CPOX: variants seen among roughly 807,000 people sequenced by gnomAD.
CPOX encodes oxygen-dependent coproporphyrinogen-III oxidase, mitochondrial.
A neutral mutation model predicts 48.9 loss-of-function variants in CPOX; 24 were observed. The observed-to-expected ratio is 0.49, with a 90% CI of 0.36 to 0.69. The LOEUF (loss-of-function observed/expected upper bound fraction) is 0.69. Among genes scored for constraint, CPOX ranks in the 30% least tolerant of loss-of-function variants. CPOX has a pLI of 0.00. For missense variants in CPOX, 549 were observed against 597.3 expected (o/e 0.92, Z 0.84); for synonymous variants, 249 against 234.6 (o/e 1.06, Z -0.56).
At chr3:98,592,430 A>T (rs1197270210) in intron 1 of CPOX, among the ~76,000 whole-genome samples, 3 of 152,192 alleles carry the variant, frequency 2.0e-5, no homozygotes, top group Non-Finnish European at 4.4e-5. Flanking sequence ...AGTGCTACTG[A>T]GAAACGAATC....
the CPOX span, among the ~76,000 whole-genome samples, chr3:98,573,424 A>G: frequency 6.6e-6 from 1 of 152,114 alleles, no homozygotes; most frequent in Non-Finnish European, 1.5e-5. Context: ...CAGATTTCAA[A>G]TAATTTTCTC....
intron 5 of CPOX, among the ~76,000 whole-genome samples, chr3:98,584,988 G>T (rs1707334634): frequency 6.6e-6 from 1 of 152,156 alleles, no homozygotes; most frequent in Non-Finnish European, 1.5e-5. Context: ...TTACAGGTTT[G>T]TTGAAAAACA....
chr3:98,582,162 T>C (rs543796665), intron 5 of CPOX, among the ~76,000 whole-genome samples: 271 of 152,238 alleles, frequency 1.8e-3, no homozygotes, highest in African/African-American at 6.3e-3. Context: ...ACCCTTAGCA[T>C]CAACTAAAAC....
rs1707223845 is a variant in CPOX, at chr3:98,580,051, C to A, written c.*632G>T. Reference sequence around the variant, plus strand: ...GACATCTCTAAAATAATAGTAATGTCACTTTAGAGTTTACAAACTACAGAA... The same window carrying A: ...GACATCTCTAAAATAATAGTAATGTAACTTTAGAGTTTACAAACTACAGAA... On this transcript the variant is annotated 3_prime_UTR_variant, in exon 7 of 7. Coordinates refer to ENST00000647941, the MANE Select transcript of CPOX (RefSeq NM_000097.7). 1 of 982,372 alleles carries A rather than the reference C, an allele frequency of 1.0e-6. No individual in the cohort carries two copies. Among genetic ancestry groups the A allele is most frequent in the African/African-American group, 1.8e-5 (1 of 57,132 alleles). 60.9% of individuals were successfully genotyped at this position (982,372 alleles called of 1,614,324 possible).
chr3:98,593,611 G>A lies in CPOX; in HGVS notation c.-107C>T, dbSNP rs974372118. The A allele has an allele frequency of 2.9e-5, 36 of 1,222,478 alleles. No homozygotes were observed. The highest frequency in any genetic ancestry group is 3.6e-5 in the Non-Finnish European group (33 of 906,658). The allele number at this position is 1,222,478 out of a possible 1,614,324, so 75.7% of individuals were successfully genotyped here. ...AGCCGGCGAGCTGCACAGGCGGAAA[G>A]AACCTTTCGAGAAGAGCCGCTGCAG... is the stretch of plus-strand genomic sequence containing the variant. On this transcript the variant is annotated 5_prime_UTR_variant, in exon 1 of 7. Coordinates refer to ENST00000647941, the MANE Select transcript of CPOX (RefSeq NM_000097.7).
downstream of CPOX, among the ~76,000 whole-genome samples, chr3:98,575,287 A>C (rs929268888): frequency 2.0e-5 from 3 of 152,256 alleles, no homozygotes; most frequent in African/African-American, 7.2e-5. Flanking sequence ...CTGTATTTGC[A>C]TCAACCTATT....
chr3:98,579,885 G>A lies in CPOX; in HGVS notation c.*798C>T. On this transcript the variant is annotated 3_prime_UTR_variant, in exon 7 of 7. Transcript: ENST00000647941. The stretch of plus-strand genomic sequence containing the variant: ...CATGACATCCCTAGGATTATTCTTA[G>A]TCTCAACTTCCACACAGAGATGTCT... The A allele has an allele frequency of 1.0e-6, 1 of 985,384 alleles. No homozygotes were observed. Among genetic ancestry groups the A allele is most frequent in the Non-Finnish European group, 1.2e-6 (1 of 829,536 alleles). 61.0% of individuals were successfully genotyped at this position (985,384 alleles called of 1,614,324 possible).
downstream of CPOX, among the ~76,000 whole-genome samples, chr3:98,574,821 C>T (rs533329960): frequency 6.6e-6 from 1 of 152,262 alleles, no homozygotes; most frequent in East Asian, 1.9e-4. Context: ...TCAGGTGATC[C>T]ACCCACCTCG....
intron 4 of CPOX, 153 bp from the exon 5 acceptor site, chr3:98,585,812 T>C (rs1254455972): frequency 1.1e-5 from 8 of 696,980 alleles, no homozygotes; most frequent in South Asian, 3.2e-5. Context: ...ATGAGGACTT[T>C]AGACAGATAG....
chr3:98,591,311 T>C (rs1012013845), intron 1 of CPOX, among the ~76,000 whole-genome samples, 156 bp from the exon 2 acceptor site: 1 of 152,256 alleles, frequency 6.6e-6, no homozygotes, highest in African/African-American at 2.4e-5. Context: ...CTAGCTTAGC[T>C]TTATGACATA....
intron 4 of CPOX, 102 bp from the exon 5 acceptor site, chr3:98,585,761 C>G: frequency 2.2e-6 from 2 of 900,224 alleles, no homozygotes; most frequent in East Asian, 2.5e-5. Flanking sequence ...CAACTAATGT[C>G]AGGATGGTGT....
rs1459069201 is a variant in CPOX, at chr3:98,593,223, C to T, written c.282G>A (p.Gly94=). ...GLVGLATAAF[G]HVQRAEMLPK... ...GCAACATCTCCGCCCGCTGCACATG[C>T]CCGAAGGCGGCGGTGGCCAGCCCCA... The change falls in exon 1 of 7, where the codon GGG becomes GGA. Residue 94 remains glycine, a synonymous_variant. Coordinates refer to ENST00000647941, the MANE Select transcript of CPOX (RefSeq NM_000097.7). 19 of 1,568,054 alleles carry T rather than the reference C, an allele frequency of 1.2e-5. No homozygotes were observed. The Admixed American group carries it at 2.6e-4, about 22-fold the overall frequency.
chr3:98,589,504 G>A (rs1341368279), intron 3 of CPOX, among the ~76,000 whole-genome samples: 1 of 127,648 alleles, frequency 7.8e-6, no homozygotes, highest in African/African-American at 3.6e-5. Context: ...AGCTCTTCTA[G>A]ATCACAATAA....
chr3:98,587,138 A>T (rs1288831886), intron 4 of CPOX, among the ~76,000 whole-genome samples: 1 of 152,220 alleles, frequency 6.6e-6, no homozygotes, highest in East Asian at 1.9e-4. Context: ...TCAATTGCTT[A>T]AACAACAACA....
chr3:98,580,840 A>C, intron 6 of CPOX, 70 bp from the exon 7 acceptor site: 1 of 1,526,576 alleles, frequency 6.6e-7, no homozygotes, highest in South Asian at 1.2e-5. Context: ...ACTTAAAATA[A>C]ATGAAAAATA....
At chr3:98,578,552 T>C (rs920693930), downstream of CPOX, among the ~76,000 whole-genome samples, 4 of 152,220 alleles carry the variant, frequency 2.6e-5, no homozygotes, top group African/African-American at 9.7e-5. Flanking sequence ...ACAATCAAGA[T>C]GTAAAACATT....
In CPOX at chr3:98,593,355, G is replaced by A. The variant is rs968622070; in HGVS notation, c.150C>T (p.Pro50=). Residue 50 remains proline (P), a synonymous_variant, in exon 1 of 7, where the codon CCC becomes CCT. Coordinates refer to ENST00000647941, the MANE Select transcript of CPOX (RefSeq NM_000097.7). ...TCTGCTCCGTGCCAGCCGGGCCAGG[G>A]GGCCGGCAGACGCGTCCGGCTGCGC... is the stretch of plus-strand genomic sequence containing the variant. ...QRSAAGRVCR[P]PGPAGTEQSR... 3 of 1,341,096 alleles carry A rather than the reference G, an allele frequency of 2.2e-6. No homozygotes were observed. In the East Asian group the frequency reaches 9.2e-5, roughly 41 times the overall value. The allele number at this position is 1,341,096 out of a possible 1,614,324, so 83.1% of individuals were successfully genotyped here.
intron 1 of CPOX, among the ~76,000 whole-genome samples, chr3:98,591,664 G>A (rs1452907643): frequency 1.3e-5 from 2 of 152,114 alleles, no homozygotes; most frequent in Admixed American, 6.5e-5. Flanking sequence ...TGAGTGAGAC[G>A]CACATTAGTA....
In CPOX at chr3:98,585,357, C is replaced by G; in HGVS notation, c.1172+84G>C. On this transcript the variant is annotated intron_variant, in intron 5 of 6. Transcript: ENST00000647941. ...AATTAACACAACTATTACAAAGTAT[C>G]TGACAACACAACACCCGCTATTATT... 9 of 1,043,578 alleles carry G rather than the reference C, an allele frequency of 8.6e-6. No individual in the cohort carries two copies. The South Asian group carries it at 1.1e-4, about 13-fold the overall frequency. The allele number at this position is 1,043,578 out of a possible 1,614,324, so 64.6% of individuals were successfully genotyped here.
Sources: gnomAD v4.1 joint callset for allele counts (sites outside exome capture counted in the v4.1 genomes callset) on GRCh38, gnomAD v4.1.1 for gene constraint, MANE v1.5 for transcripts, NCBI Gene and HGNC (gene_info 2026-07-23, HGNC 2026-07-21) for gene names.